PCDH17: variants seen among roughly 807,000 people sequenced by gnomAD.
The protein encoded by PCDH17 is protocadherin-17.
A neutral mutation model predicts 67.7 loss-of-function variants in PCDH17; 21 were observed. That is an observed-to-expected ratio of 0.31 (90% CI 0.22 to 0.45). PCDH17 has a LOEUF of 0.45. Among genes scored for constraint, PCDH17 ranks in the 20% least tolerant of loss-of-function variants. The pLI is 1.00. For missense variants in PCDH17, 1,471 were observed against 1,564.8 expected (o/e 0.94, Z 1.01); for synonymous variants, 701 against 656.7 (o/e 1.07, Z -1.03).
intron 1 of PCDH17, among the ~76,000 whole-genome samples, chr13:57,658,262 T>C (rs1955134200): frequency 6.6e-6 from 1 of 152,208 alleles, no homozygotes. Context: ...TGTGTATTTT[T>C]ACTTTAAAAT....
chr13:57,645,003 A>T (rs1954948252), intron 1 of PCDH17, among the ~76,000 whole-genome samples: 1 of 151,674 alleles, frequency 6.6e-6, no homozygotes, highest in Non-Finnish European at 1.5e-5. Context: ...CATGTTGCCT[A>T]GGGATTTTAA....
rs567584756 is a variant in PCDH17 at position 57,710,514 on chromosome 13, A to G, written c.2798-14098A>G. The stretch of plus-strand genomic sequence containing the variant: ...TGATTCAGATAATCTTGGAAAACAC[A>G]TTAACATTTGAAACAACTGGAAAAA... On this transcript the variant is annotated intron_variant, in intron 3 of 3. Coordinates refer to ENST00000377918, the MANE Select transcript of PCDH17 (RefSeq NM_001040429.3). 7.9e-5 allele frequency among the ~76,000 whole-genome samples: 12 copies of G among 152,036 alleles called. No individual in the cohort carries two copies. In the South Asian group the frequency reaches 8.3e-4, roughly 10 times the overall value.
At chr13:57,678,972 G>A (rs539943898) in intron 3 of PCDH17, among the ~76,000 whole-genome samples, 1 of 151,468 alleles carries the variant, frequency 6.6e-6, no homozygotes, top group Non-Finnish European at 1.5e-5. Flanking sequence ...ACATTATGTA[G>A]CATTTCCACT....
chr13:57,682,444 T>G (rs997803960), intron 3 of PCDH17, among the ~76,000 whole-genome samples: 4 of 151,762 alleles, frequency 2.6e-5, no homozygotes, highest in African/African-American at 9.7e-5. Flanking sequence ...GTAAATCAGG[T>G]CATTTCACTC....
chr13:57,680,656 G>T (rs1479376534), intron 3 of PCDH17, among the ~76,000 whole-genome samples: 2 of 151,520 alleles, frequency 1.3e-5, no homozygotes, highest in Non-Finnish European at 3.0e-5. Context: ...CAACTTGATG[G>T]CCAAGCTGAT....
intron 3 of PCDH17, among the ~76,000 whole-genome samples, chr13:57,722,975 T>G (rs902775964): frequency 9.2e-5 from 14 of 152,128 alleles, no homozygotes; most frequent in Admixed American, 4.6e-4. Context: ...AAATAGAGGC[T>G]TCTGAAAAAA....
At chr13:57,715,671 T>G (rs76165478) in intron 3 of PCDH17, among the ~76,000 whole-genome samples, 2,253 of 151,992 alleles carry the variant, frequency 0.015, 57 homozygotes, top group African/African-American at 0.052. Flanking sequence ...ATATGAAAAC[T>G]GTTCTGAGAT....
chr13:57,636,929 A>C (rs1954831120), intron 1 of PCDH17, among the ~76,000 whole-genome samples: 1 of 152,126 alleles, frequency 6.6e-6, no homozygotes, highest in African/African-American at 2.4e-5. Context: ...ATTTTCAACA[A>C]GCCTGATTCC....
At chr13:57,666,568 A>G (rs1955257821) in intron 2 of PCDH17, 42 bp downstream of exon 2, 1 of 1,608,444 alleles carries the variant, frequency 6.2e-7, no homozygotes, top group Non-Finnish European at 8.5e-7. Flanking sequence ...CCCCATTTGC[A>G]TTCGTGTCAA....
At chr13:57,660,858 A>G (rs944750489) in intron 1 of PCDH17, among the ~76,000 whole-genome samples, 8 of 152,216 alleles carry the variant, frequency 5.3e-5, no homozygotes, top group Non-Finnish European at 1.0e-4. Flanking sequence ...TTACAACAGT[A>G]GTCCATTTTT....
At chr13:57,718,183 G>A (rs935470796) in intron 3 of PCDH17, among the ~76,000 whole-genome samples, 1 of 151,886 alleles carries the variant, frequency 6.6e-6, no homozygotes, top group Non-Finnish European at 1.5e-5. Context: ...TGGATTCTCC[G>A]ATTAACATTT....
intron 3 of PCDH17, among the ~76,000 whole-genome samples, chr13:57,696,420 T>A (rs578180107): frequency 6.6e-6 from 1 of 151,372 alleles, no homozygotes; most frequent in Admixed American, 6.6e-5. Context: ...AAGAAAACCA[T>A]CTTAAATGTG....
chr13:57,657,624 C>G (rs1402372419), intron 1 of PCDH17, among the ~76,000 whole-genome samples: 2 of 152,154 alleles, frequency 1.3e-5, no homozygotes, highest in East Asian at 1.9e-4. Context: ...TGTGTTCAGT[C>G]TACTGCAAAC....
In PCDH17 at chr13:57,633,677, T is replaced by C. The variant is rs1954767295; in HGVS notation, c.1131T>C (p.Thr377=). The change falls in exon 1 of 4, where the codon ACT becomes ACC. Residue 377 remains threonine (T), a synonymous_variant. Coordinates refer to ENST00000377918, the MANE Select transcript of PCDH17 (RefSeq NM_001040429.3). This position sits in a 1 kb window ranked among gnomAD's most constrained non-coding sequence, Gnocchi z 6.2. Reference sequence around the variant, plus strand: ...CCGTCATCGCCCTGGTGCGGGTCACTGACCGGGACTCTGGCAAGAACGGAC... The same window carrying C: ...CCGTCATCGCCCTGGTGCGGGTCACCGACCGGGACTCTGGCAAGAACGGAC... ...PGTVIALVRV[T]DRDSGKNGQL... is the part of the protein sequence containing the mutation. 6.2e-7 allele frequency: 1 copy of C among 1,604,974 alleles called. No homozygotes were observed. Among genetic ancestry groups the C allele is most frequent in the African/African-American group, 1.3e-5 (1 of 74,928 alleles).
intron 3 of PCDH17, among the ~76,000 whole-genome samples, chr13:57,690,080 A>G (rs765139677): frequency 5.9e-4 from 90 of 151,910 alleles, no homozygotes; most frequent in Non-Finnish European, 2.1e-4. Context: ...GATTCTTCAG[A>G]ATCTTCACAT....
chr13:57,661,187 C>T (rs1955179037), intron 1 of PCDH17, among the ~76,000 whole-genome samples: 1 of 152,090 alleles, frequency 6.6e-6, no homozygotes, highest in African/African-American at 2.4e-5. Context: ...TTTTAAATTT[C>T]ATATAATCTA....
At chr13:57,710,194 A>C (rs1215103662) in intron 3 of PCDH17, among the ~76,000 whole-genome samples, 1 of 151,346 alleles carries the variant, frequency 6.6e-6, no homozygotes, top group Non-Finnish European at 1.5e-5. Context: ...AATCTGCTTC[A>C]CTGTTGCCAC....
chr13:57,648,801 A>G (rs995507197), intron 1 of PCDH17, among the ~76,000 whole-genome samples: 1 of 152,068 alleles, frequency 6.6e-6, no homozygotes, highest in Non-Finnish European at 1.5e-5. Flanking sequence ...GAAAAAAATT[A>G]ATGAAACTAT....
At chr13:57,698,452 AG>A (rs1169442583) in intron 3 of PCDH17, among the ~76,000 whole-genome samples, 1 of 151,838 alleles carries the variant, frequency 6.6e-6, no homozygotes, top group Non-Finnish European at 1.5e-5. Context: ...ATAGGTTTTC[AG>A]GGGTTGAGAA....
Sources: allele counts gnomAD v4.1 joint callset (sites outside exome capture counted in the v4.1 genomes callset), GRCh38; gene constraint gnomAD v4.1.1; non-coding constraint Gnocchi (gnomAD v3.1); transcripts MANE v1.5; gene names NCBI Gene and HGNC (gene_info 2026-07-23, HGNC 2026-07-21).